Variants in PLEKHA6 observed in about 807,000 individuals in gnomAD.
PLEKHA6 encodes the protein pleckstrin homology domain containing A6.
In PLEKHA6, 60 loss-of-function variants were observed where a neutral mutation model predicts 116.7. The ratio of observed to expected loss-of-function variants is 0.51; its 90% confidence interval spans 0.42 to 0.64. PLEKHA6 has a LOEUF of 0.64. Ranked by LOEUF, PLEKHA6 falls within the 30% of genes least tolerant of loss-of-function variation. PLEKHA6 has a pLI of 0.00. For synonymous variants in PLEKHA6, 489 were observed against 556.1 expected, an observed-to-expected ratio of 0.88 and a Z score of 1.70; for missense variants, 1,338 against 1,422.7, an observed-to-expected ratio of 0.94 and a Z score of 0.96.
At chr1:204,273,857 C>T (rs1239907659) in intron 2 of PLEKHA6, 117 bp from the exon 3 acceptor site, 4 of 704,652 alleles carry the variant, frequency 5.7e-6, no homozygotes, top group Non-Finnish European at 1.0e-5. Context: ...AAAATTAGAT[C>T]TCTTGAGTGC....
At chr1:204,309,390 A>T (rs771557924) in intron 1 of PLEKHA6, among the ~76,000 whole-genome samples, 4 of 152,268 alleles carry the variant, frequency 2.6e-5, no homozygotes, top group Non-Finnish European at 4.4e-5. Flanking sequence ...CTGGTCAACG[A>T]TGGACCACAT....
At chr1:204,311,636 G>A in intron 1 of PLEKHA6, 1 of 976,584 alleles carries the variant, frequency 1.0e-6, no homozygotes, top group Non-Finnish European at 1.2e-6. Flanking sequence ...CTTCCAAGAT[G>A]TTCAAAGGGT....
chr1:204,367,188 A>G (rs963555552), intron 3 of PLEKHA6, among the ~76,000 whole-genome samples: 27 of 152,120 alleles, frequency 1.8e-4, no homozygotes, highest in African/African-American at 6.0e-4. Flanking sequence ...TCCAAGATTA[A>G]GTCCAGGGCA....
rs1412957036 is a variant in PLEKHA6, at chr1:204,238,843, G to A, written c.2409+2532C>T. 6.6e-6 allele frequency among the ~76,000 whole-genome samples: 1 copy of A among 152,244 alleles called. No homozygotes were observed. The highest frequency in any genetic ancestry group is 6.5e-5 in the Admixed American group (1 of 15,280). ...TCTAGGACATCCCTGAAGAATAGCA[G>A]TGAAGGGAAATCTTCCCAGTGGGCA... On this transcript the variant is annotated intron_variant, in intron 17 of 22. Transcript: ENST00000272203. The surrounding 1 kb of genome is among the most constrained non-coding windows in gnomAD (Gnocchi z 4.2).
intron 1 of PLEKHA6, among the ~76,000 whole-genome samples, chr1:204,355,963 G>T: frequency 6.8e-6 from 1 of 146,836 alleles, no homozygotes; most frequent in Admixed American, 6.9e-5. Flanking sequence ...ACTCAATGTT[G>T]ATGCTCATGG....
chr1:204,297,406 G>A (rs758652804), intron 1 of PLEKHA6, among the ~76,000 whole-genome samples: 3 of 152,194 alleles, frequency 2.0e-5, no homozygotes, highest in Non-Finnish European at 4.4e-5. Context: ...GGACAAGGTC[G>A]CTGTCCTGGG....
At chr1:204,308,812 C>G (rs1671524856) in intron 1 of PLEKHA6, among the ~76,000 whole-genome samples, 1 of 150,880 alleles carries the variant, frequency 6.6e-6, no homozygotes, top group Non-Finnish European at 1.5e-5. Flanking sequence ...CCTCAGCCTC[C>G]CGAGTAGCTG....
intron 1 of PLEKHA6, chr1:204,282,635 CTG>C (rs1169370697): frequency 1.0e-6 from 1 of 984,732 alleles, no homozygotes. Context: ...CAGTCCTTAA[CTG>C]TCTCAACACT....
At chr1:204,325,882 G>A in intron 1 of PLEKHA6, 1 of 983,072 alleles carries the variant, frequency 1.0e-6, no homozygotes, top group African/African-American at 1.7e-5. Context: ...GGGAGAAGTA[G>A]TAGCTGCCAT....
Position 204,245,008 on chromosome 1 carries a change from G to A in PLEKHA6, c.2033-5C>T. 1 of 1,413,692 alleles carries A rather than the reference G, an allele frequency of 7.1e-7. No individual in the cohort carries two copies. The highest frequency in any genetic ancestry group is 1.5e-5 in the African/African-American group (1 of 67,046). 87.6% of individuals were successfully genotyped at this position (1,413,692 alleles called of 1,614,324 possible). The stretch of plus-strand genomic sequence containing the variant: ...TGGCTGAGGGGCCAAGTCCTCCTTG[G>A]GGGAAACAAGGGGATGGGTGAGCAA... On this transcript the variant is annotated splice_region_variant and splice_polypyrimidine_tract_variant and intron_variant, in intron 14 of 22. Transcript: ENST00000272203.
At chr1:204,258,132 C>A (rs1665611412) in intron 8 of PLEKHA6, among the ~76,000 whole-genome samples, 1 of 152,156 alleles carries the variant, frequency 6.6e-6, no homozygotes, top group Non-Finnish European at 1.5e-5. Flanking sequence ...AAACGTGAAG[C>A]CTTATCAGCC....
chr1:204,227,104 C>T lies in PLEKHA6; in HGVS notation c.3031+979G>A, dbSNP rs546136263. Among the ~76,000 whole-genome samples, 5 of 152,328 alleles carry T rather than the reference C, an allele frequency of 3.3e-5. No individual in the cohort carries two copies. In the East Asian group the frequency reaches 7.7e-4, roughly 24 times the overall value. On this transcript the variant is annotated intron_variant, in intron 21 of 22. Coordinates refer to ENST00000272203, the MANE Select transcript of PLEKHA6 (RefSeq NM_014935.5). ...CCTCCTCAATCACCAACATGAAACG[C>T]CATCCCTTCCACTATGTTCTGAGCC...
chr1:204,347,697 G>T (rs1383112241), intron 1 of PLEKHA6, among the ~76,000 whole-genome samples: 1 of 151,944 alleles, frequency 6.6e-6, no homozygotes, highest in Non-Finnish European at 1.5e-5. Context: ...AAATGTCCAT[G>T]AAATCTTCAC....
chr1:204,359,371 G>A (rs1413833870), intron 1 of PLEKHA6, among the ~76,000 whole-genome samples: 2 of 152,066 alleles, frequency 1.3e-5, no homozygotes, highest in Non-Finnish European at 2.9e-5. Flanking sequence ...CTTGCGTGGG[G>A]GACCCCTGCT....
chr1:204,337,547 A>T (rs1452216900), intron 1 of PLEKHA6, among the ~76,000 whole-genome samples: 1 of 152,250 alleles, frequency 6.6e-6, no homozygotes, highest in Non-Finnish European at 1.5e-5. Flanking sequence ...GATGAGGAAA[A>T]AGAAAGAATT....
chr1:204,335,469 G>A (rs1394260244), intron 1 of PLEKHA6, among the ~76,000 whole-genome samples: 3 of 152,034 alleles, frequency 2.0e-5, no homozygotes, highest in Non-Finnish European at 4.4e-5. Context: ...TGCACTTCAG[G>A]GCTAGAGAAG....
At position 204,277,615 on chromosome 1, in the gene PLEKHA6, A is replaced by C. The variant is rs1275740353; in HGVS notation, c.-94-2806T>G. 6.6e-6 allele frequency: 1 copy of C among 152,128 alleles called. No individual in the cohort carries two copies. The highest frequency in any genetic ancestry group is 1.5e-5 in the Non-Finnish European group (1 of 68,026). 9.4% of individuals were successfully genotyped at this position (152,128 alleles called of 1,614,324 possible). On this transcript the variant is annotated intron_variant, in intron 1 of 22. Coordinates refer to ENST00000272203, the MANE Select transcript of PLEKHA6 (RefSeq NM_014935.5). This position sits in a 1 kb window ranked among gnomAD's most constrained non-coding sequence, Gnocchi z 4.1. ...AACTTGCTTCTCAGAGATCCTTCAGATCCTGTGGGCATAAGGGTTAAATGA... is the reference window on the plus strand; with the variant it reads ...AACTTGCTTCTCAGAGATCCTTCAGCTCCTGTGGGCATAAGGGTTAAATGA...
chr1:204,282,609 C>T, intron 1 of PLEKHA6: 1 of 977,294 alleles, frequency 1.0e-6, no homozygotes, highest in Non-Finnish European at 1.2e-6. Flanking sequence ...TATTGAATAT[C>T]ATTCCCGGGT....
At chr1:204,275,722 A>G in intron 1 of PLEKHA6, 1 of 985,186 alleles carries the variant, frequency 1.0e-6, no homozygotes, top group Non-Finnish European at 1.2e-6. Flanking sequence ...TCTAAGCCAT[A>G]ATGGCAACCC....
Sources: gnomAD v4.1 joint callset for allele counts (sites outside exome capture counted in the v4.1 genomes callset) on GRCh38, gnomAD v4.1.1 for gene constraint, Gnocchi (gnomAD v3.1) non-coding constraint, MANE v1.5 for transcripts, NCBI Gene and HGNC (gene_info 2026-07-23, HGNC 2026-07-21) for gene names.